Variants in PSD4 observed in about 807,000 individuals in gnomAD.
PSD4 encodes PH and SEC7 domain-containing protein 4.
PSD4 carries 59 observed loss-of-function variants against 112.5 expected under a neutral mutation model. The ratio of observed to expected loss-of-function variants is 0.52; its 90% CI spans 0.43 to 0.65. PSD4 has a LOEUF of 0.65. PSD4 is among the 30% of genes least tolerant of loss of function. PSD4 has a pLI of 0.00. For missense variants in PSD4, 1,267 were observed against 1,352.6 expected (o/e 0.94, Z 0.99); for synonymous variants, 533 against 540.0 (o/e 0.99, Z 0.18).
chr2:113,182,396 A>T lies in PSD4; in HGVS notation c.-61A>T. The stretch of plus-strand genomic sequence containing the variant: ...CAGCGGCCAGTGCTCCCCCTAGTCC[A>T]CACAGTGAGACCGTGAAAGCAGATG... On this transcript the variant is annotated 5_prime_UTR_variant, in exon 2 of 17. Transcript: ENST00000245796. 6.9e-7 allele frequency: 1 copy of T among 1,454,812 alleles called. No individual in the cohort carries two copies. Among genetic ancestry groups the T allele is most frequent in the Non-Finnish European group, 9.4e-7 (1 of 1,068,206 alleles). The allele number at this position is 1,454,812 out of a possible 1,614,324, so 90.1% of individuals were successfully genotyped here.
chr2:113,200,270 C>T (rs996101873), intron 16 of PSD4, among the ~76,000 whole-genome samples: 1 of 152,184 alleles, frequency 6.6e-6, no homozygotes, highest in African/African-American at 2.4e-5. Context: ...GTGCCTGCTT[C>T]AGGGATCCTG....
chr2:113,202,895 A>G lies in PSD4; in HGVS notation c.*1480A>G, dbSNP rs1329339524. On this transcript the variant is annotated 3_prime_UTR_variant, in exon 17 of 17. Coordinates refer to ENST00000245796, the MANE Select transcript of PSD4 (RefSeq NM_012455.3). ...TAGGCCATGCACCCAATGGGTGCAC[A>G]ATAAATAACAGGTCAACAAAGAGGG... The G allele has an allele frequency of 6.6e-6, 1 of 152,314 alleles. No homozygotes were observed. The highest frequency in any genetic ancestry group is 1.5e-5 in the Non-Finnish European group (1 of 68,078). The allele number at this position is 152,314 out of a possible 1,614,324, so 9.4% of individuals were successfully genotyped here.
At position 113,183,259 on chromosome 2, in the gene PSD4, G is replaced by A. The variant is rs756144539; in HGVS notation, c.803G>A (p.Trp268Ter). ...AGTGCTTCTGGAGAGTGCTTTTCCT[G>A]GGGGGCTTCAGACTCCCATGCAGGT... ...ENSASGECFSWGASDSHAGVR... is the reference protein window; with the variant it reads ...ENSASGECFS Residue 268 changes from tryptophan (W) to a stop codon, truncating the protein, a stop_gained, in exon 2 of 17, where the codon TGG becomes TAG. Transcript: ENST00000245796. LOFTEE classifies it high-confidence loss of function. 6.2e-7 allele frequency: 1 copy of A among 1,614,120 alleles called. No homozygotes were observed. The highest frequency in any genetic ancestry group is 1.1e-5 in the South Asian group (1 of 91,084).
Position 113,199,213 on chromosome 2 carries a change from A to T in PSD4, c.2900A>T (p.Tyr967Phe). 1.3e-6 allele frequency: 2 copies of T among 1,508,202 alleles called. No homozygotes were observed. Among genetic ancestry groups the T allele is most frequent in the Non-Finnish European group, 1.8e-6 (2 of 1,132,772 alleles). 93.4% of individuals were successfully genotyped at this position (1,508,202 alleles called of 1,614,324 possible). Residue 967 changes from tyrosine to phenylalanine, a missense_variant, in exon 16 of 17, where the codon TAC becomes TTC. Physicochemically the swap from Tyr to Phe is conservative, Grantham distance 22. This residue lies in a region of PSD4 where 544 missense variants were observed against 648.6 expected (regional missense o/e 0.84). Coordinates refer to ENST00000245796, the MANE Select transcript of PSD4 (RefSeq NM_012455.3). The part of the protein sequence containing the change: ...ELEEHRLRKE[Y>F]LEYEKTRYET... Reference sequence around the variant, plus strand: ...GAGGAGCACCGCCTGCGGAAGGAGTACCTGGAGTACGAGGTGAGCGGCCGA... The same window carrying T: ...GAGGAGCACCGCCTGCGGAAGGAGTTCCTGGAGTACGAGGTGAGCGGCCGA...
intron 16 of PSD4, among the ~76,000 whole-genome samples, chr2:113,200,720 G>A (rs939636947): frequency 6.6e-6 from 1 of 152,220 alleles, no homozygotes; most frequent in African/African-American, 2.4e-5. Flanking sequence ...GGAGTACAGT[G>A]TTAAGTAGAT....
intron 3 of PSD4, 61 bp from the exon 4 acceptor site, chr2:113,185,304 T>G: frequency 1.2e-6 from 2 of 1,600,560 alleles, no homozygotes; most frequent in Non-Finnish European, 8.6e-7. Context: ...GCCTGGCCTC[T>G]CCCCCATCCA....
rs1408382746 is a variant in PSD4, at chr2:113,206,813, T to A, written c.*5398T>A. 2.6e-5 allele frequency: 4 copies of A among 152,238 alleles called. No individual in the cohort carries two copies. The highest frequency in any genetic ancestry group is 5.9e-5 in the Non-Finnish European group (4 of 68,084). 9.4% of individuals were successfully genotyped at this position (152,238 alleles called of 1,614,324 possible). A position where few individuals can be genotyped will look rare whatever the true frequency, so the allele number is the denominator to read the frequency against. ...GGCTCTGCCCTCATGCATGCCATCC[T>A]GCTTGGATGCTGGGTAGCTTTGCAC... On this transcript the variant is annotated 3_prime_UTR_variant, in exon 17 of 17. Transcript: ENST00000245796.
chr2:113,185,895 A>G lies in PSD4; in HGVS notation c.1268A>G (p.His423Arg). 6.2e-7 allele frequency: 1 copy of G among 1,611,540 alleles called. No homozygotes were observed. The highest frequency in any genetic ancestry group is 8.5e-7 in the Non-Finnish European group (1 of 1,178,956). ...SQDRDEREGGHPQESLPCTLA... is the reference protein window; with the variant it reads ...SQDRDEREGGRPQESLPCTLA... ...TCCTCAGATGAGAGGGAGGGTGGAC[A>G]CCCCCAGGAATCTCTTCCCTGCACC... Residue 423 changes from histidine (H) to arginine (R), a missense_variant, in exon 5 of 17, where the codon CAC becomes CGC. Coordinates refer to ENST00000245796, the MANE Select transcript of PSD4 (RefSeq NM_012455.3).
Position 113,184,964 on chromosome 2 carries a change from G to A in PSD4, c.1064G>A (p.Arg355Lys). 2 of 1,614,148 alleles carry A rather than the reference G, an allele frequency of 1.2e-6. No individual in the cohort carries two copies. Among genetic ancestry groups the A allele is most frequent in the Non-Finnish European group, 8.5e-7 (1 of 1,180,014 alleles). Residue 355 changes from arginine (R) to lysine (K), a missense_variant, in exon 3 of 17, where the codon AGG becomes AAG. By Grantham distance (26) the Arg-to-Lys change is conservative (BLOSUM62 2). This residue lies in a region of PSD4 where 723 missense variants were observed against 704.0 expected (regional missense o/e 1.03). Coordinates refer to ENST00000245796, the MANE Select transcript of PSD4 (RefSeq NM_012455.3). ...PPGHGESEGDRLGPAPSAAPC... is the reference protein window; with the variant it reads ...PPGHGESEGDKLGPAPSAAPC... ...TCTCTCTCGACTTCTCAGGGAGATA[G>A]GCTTGGTCCTGCTCCATCTGCAGCA...
At chr2:113,196,895 G>A (rs1688628840) in intron 12 of PSD4, among the ~76,000 whole-genome samples, 1 of 152,248 alleles carries the variant, frequency 6.6e-6, no homozygotes, top group African/African-American at 2.4e-5. Flanking sequence ...GCAGCTGAAG[G>A]CTTTTGATTA....
rs779815520 is a variant in PSD4, at chr2:113,182,972, G to A, written c.516G>A (p.Glu172=). ...AGATGTGTGTCCTAGACCTGGAGGA[G>A]GAGCTGGAGAAGACGGAAGGGCTCA... The part of the protein sequence containing the change: ...QAQMCVLDLE[E]ELEKTEGLKA... The change falls in exon 2 of 17, where the codon GAG becomes GAA. Residue 172 remains glutamate, a synonymous_variant. Transcript: ENST00000245796. 2 of 1,614,214 alleles carry A rather than the reference G, an allele frequency of 1.2e-6. No homozygotes were observed. Among genetic ancestry groups the A allele is most frequent in the Admixed American group, 3.3e-5 (2 of 60,030 alleles).
At chr2:113,189,366 T>TATAC (rs1553475554) in intron 5 of PSD4, among the ~76,000 whole-genome samples, 23 of 150,354 alleles carry the variant, frequency 1.5e-4, no homozygotes, top group African/African-American at 4.4e-4. Context: ...TATATATATA[T>TATAC]ACACACACAC....
At chr2:113,177,805 A>G (rs1688018885) in intron 1 of PSD4, among the ~76,000 whole-genome samples, 1 of 152,232 alleles carries the variant, frequency 6.6e-6, no homozygotes, top group South Asian at 2.1e-4. Flanking sequence ...CTTGGTGCTT[A>G]CCTTCTAGGC....
chr2:113,177,454 G>A (rs940649648), intron 1 of PSD4, among the ~76,000 whole-genome samples: 4 of 152,180 alleles, frequency 2.6e-5, no homozygotes, highest in African/African-American at 4.8e-5. Context: ...AGGAGTTTGA[G>A]TGACTCAAGT....
chr2:113,197,882 G>C lies in PSD4; in HGVS notation c.2593G>C (p.Ala865Pro). The part of the protein sequence containing the change: ...KKPHVFQLRT[A>P]DWRLYLFQAP... Reference sequence around the variant, plus strand: ...GCCGCACGTCTTCCAGCTGCGCACGGCTGACTGGCGCCTCTACCTCTTCCA... The same window carrying C: ...GCCGCACGTCTTCCAGCTGCGCACGCCTGACTGGCGCCTCTACCTCTTCCA... Residue 865 changes from alanine to proline, a missense_variant, in exon 14 of 17, where the codon GCT (alanine) becomes CCT (proline). By Grantham distance (27) the Ala-to-Pro change is conservative. Coordinates refer to ENST00000245796, the MANE Select transcript of PSD4 (RefSeq NM_012455.3). The C allele has an allele frequency of 7.5e-6, 12 of 1,597,716 alleles. No homozygotes were observed. Among genetic ancestry groups the C allele is most frequent in the Non-Finnish European group, 1.0e-5 (12 of 1,168,992 alleles).
intron 1 of PSD4, among the ~76,000 whole-genome samples, chr2:113,179,384 G>C (rs921806266): frequency 6.6e-6 from 1 of 152,168 alleles, no homozygotes; most frequent in Non-Finnish European, 1.5e-5. Context: ...ATGAGTGAAG[G>C]CTGGATCCAT....
At chr2:113,179,394 T>C (rs930586670) in intron 1 of PSD4, among the ~76,000 whole-genome samples, 1 of 152,046 alleles carries the variant, frequency 6.6e-6, no homozygotes, top group African/African-American at 2.4e-5. Context: ...GCTGGATCCA[T>C]AGGAGAAGAA....
At chr2:113,192,613 A>G in intron 6 of PSD4, 24 bp downstream of exon 6, 1 of 1,609,826 alleles carries the variant, frequency 6.2e-7, no homozygotes, top group Non-Finnish European at 8.5e-7. Context: ...AGCCTGGGGA[A>G]GGCTGGAGGC....
chr2:113,182,579 T>C lies in PSD4; in HGVS notation c.123T>C (p.Asp41=). 6.2e-7 allele frequency: 1 copy of C among 1,614,136 alleles called. No homozygotes were observed. ...ECPRETCSHE[D]PPEPFEEQTW... Reference sequence around the variant, plus strand: ...CAAGGGAAACGTGCAGCCATGAGGATCCACCGGAGCCTTTCGAGGAGCAAA... The same window carrying C: ...CAAGGGAAACGTGCAGCCATGAGGACCCACCGGAGCCTTTCGAGGAGCAAA... The change falls in exon 2 of 17, where the codon GAT becomes GAC. Residue 41 remains aspartate, a synonymous_variant. Transcript: ENST00000245796.
Sources: gnomAD v4.1 joint callset for allele counts (sites outside exome capture counted in the v4.1 genomes callset) on GRCh38, gnomAD v4.1.1 for gene constraint, gnomAD v4.1.1 regional missense constraint, MANE v1.5 for transcripts, NCBI Gene and HGNC (gene_info 2026-07-23, HGNC 2026-07-21) for gene names.